The following KIAA1217 variants were observed in gnomAD, a reference collection of about 807,000 sequenced individuals.
The protein encoded by KIAA1217 is KIAA1217.
KIAA1217 carries 88 observed loss-of-function variants against 163.9 expected under a neutral mutation model. The observed-to-expected ratio is 0.54, with a 90% CI of 0.45 to 0.64. The LOEUF is 0.64. KIAA1217 is among the 30% of genes least tolerant of loss of function. KIAA1217 has a pLI of 0.00. For synonymous variants in KIAA1217, 903 were observed against 923.1 expected, an observed-to-expected ratio of 0.98 and a Z score of 0.39; for missense variants, 2,372 against 2,475.0, an observed-to-expected ratio of 0.96 and a Z score of 0.88.
At chr10:24,310,307 G>C (rs2042539837) in intron 2 of KIAA1217, among the ~76,000 whole-genome samples, 1 of 152,170 alleles carries the variant, frequency 6.6e-6, no homozygotes, top group Admixed American at 6.5e-5. Flanking sequence ...ACAACTCGAT[G>C]AGGTAAGTGC....
At chr10:23,707,348 G>A (rs1836957183) in intron 1 of KIAA1217, among the ~76,000 whole-genome samples, 1 of 152,218 alleles carries the variant, frequency 6.6e-6, no homozygotes, top group East Asian at 1.9e-4. Context: ...ATAATGGGAA[G>A]GAGAAAGTAA....
chr10:23,883,121 GGTCATTTCAAGA>G (rs1841022814), intron 1 of KIAA1217, among the ~76,000 whole-genome samples: 1 of 151,840 alleles, frequency 6.6e-6, no homozygotes, highest in South Asian at 2.1e-4. Context: ...AAGTTGTTAT[GGTCATTTCAAGA>G]GTCAGCCAAA....
At chr10:23,948,112 A>C (rs1470952249) in intron 1 of KIAA1217, among the ~76,000 whole-genome samples, 1 of 152,098 alleles carries the variant, frequency 6.6e-6, no homozygotes, top group Non-Finnish European at 1.5e-5. Flanking sequence ...TGTTTATTGC[A>C]CCAGTGGGAA....
At chr10:24,264,566 G>A in intron 2 of KIAA1217, among the ~76,000 whole-genome samples, 1 of 152,192 alleles carries the variant, frequency 6.6e-6, no homozygotes, top group East Asian at 1.9e-4. Context: ...CCATTGAACT[G>A]TGAGTGATAA....
At chr10:23,875,984 G>A (rs941076383) in intron 1 of KIAA1217, among the ~76,000 whole-genome samples, 1 of 151,622 alleles carries the variant, frequency 6.6e-6, no homozygotes, top group African/African-American at 2.4e-5. Context: ...AGCACTGGGA[G>A]AAATACCTAA....
At chr10:24,153,782 G>C (rs1472566924) in intron 2 of KIAA1217, among the ~76,000 whole-genome samples, 1 of 152,094 alleles carries the variant, frequency 6.6e-6, no homozygotes, top group Non-Finnish European at 1.5e-5. Flanking sequence ...ATGATATACA[G>C]CTTCCCATCA....
At chr10:23,789,572 A>C (rs1353782070) in intron 1 of KIAA1217, among the ~76,000 whole-genome samples, 1 of 152,160 alleles carries the variant, frequency 6.6e-6, no homozygotes, top group Non-Finnish European at 1.5e-5. Context: ...AGTGAGGTGA[A>C]GTGAGTGAAG....
chr10:24,070,838 T>C (rs1182444139), intron 2 of KIAA1217, among the ~76,000 whole-genome samples: 1 of 151,998 alleles, frequency 6.6e-6, no homozygotes, highest in African/African-American at 2.4e-5. Flanking sequence ...CAGTAGAAAA[T>C]AGAATTCTAG....
chr10:24,048,284 A>C (rs1349208364), intron 2 of KIAA1217, among the ~76,000 whole-genome samples: 1 of 152,258 alleles, frequency 6.6e-6, no homozygotes. Flanking sequence ...CTGAGTAGCC[A>C]CTGTACAAAT....
At chr10:24,149,350 T>A (rs952056497) in intron 2 of KIAA1217, among the ~76,000 whole-genome samples, 1 of 152,002 alleles carries the variant, frequency 6.6e-6, no homozygotes, top group African/African-American at 2.4e-5. Flanking sequence ...CGACTAATTT[T>A]TTTTTGTACT....
intron 6 of KIAA1217, among the ~76,000 whole-genome samples, chr10:24,486,834 T>C (rs1034055457): frequency 6.6e-6 from 1 of 152,228 alleles, no homozygotes. Flanking sequence ...AGGTTTATCA[T>C]CTATTTCGCT....
chr10:24,444,104 G>T (rs759723046), intron 5 of KIAA1217, among the ~76,000 whole-genome samples: 5 of 152,020 alleles, frequency 3.3e-5, no homozygotes, highest in Non-Finnish European at 4.4e-5. Flanking sequence ...TCTGCCTCCC[G>T]TGTTCAAGCA....
intron 2 of KIAA1217, among the ~76,000 whole-genome samples, chr10:24,252,358 GT>G (rs538497500): frequency 1.1e-3 from 160 of 152,256 alleles, no homozygotes; most frequent in African/African-American, 3.8e-3. Context: ...AGGGAGGATT[GT>G]TTGAGCCCAG....
intron 1 of KIAA1217, among the ~76,000 whole-genome samples, chr10:23,883,321 A>C (rs1250149358): frequency 6.6e-6 from 1 of 151,978 alleles, no homozygotes; most frequent in Non-Finnish European, 1.5e-5. Context: ...AGCTTTCAAC[A>C]TTTAAATGTG....
At chr10:24,282,499 T>C (rs369450466) in intron 2 of KIAA1217, among the ~76,000 whole-genome samples, 77 of 152,316 alleles carry the variant, frequency 5.1e-4, no homozygotes, top group African/African-American at 1.8e-3. Flanking sequence ...ATTCAATCAT[T>C]CGTTTATAAC....
chr10:24,170,472 T>C (rs1589758358), intron 2 of KIAA1217, among the ~76,000 whole-genome samples: 1 of 152,172 alleles, frequency 6.6e-6, no homozygotes, highest in Non-Finnish European at 1.5e-5. Context: ...CTGTGAAATA[T>C]TGAGTCAGTG....
intron 2 of KIAA1217, among the ~76,000 whole-genome samples, chr10:24,034,917 G>T (rs1848331133): frequency 6.6e-6 from 1 of 152,198 alleles, no homozygotes; most frequent in Non-Finnish European, 1.5e-5. Context: ...CCTATCTGGG[G>T]ATGCTTTGCA....
intron 5 of KIAA1217, among the ~76,000 whole-genome samples, chr10:24,454,553 G>A (rs949053053): frequency 4.6e-5 from 7 of 152,136 alleles, no homozygotes; most frequent in African/African-American, 1.7e-4. Flanking sequence ...AATAGCAGGG[G>A]CCTGATCTGT....
At chr10:24,169,992 A>T (rs556387442) in intron 2 of KIAA1217, among the ~76,000 whole-genome samples, 1 of 152,202 alleles carries the variant, frequency 6.6e-6, no homozygotes, top group African/African-American at 2.4e-5. Flanking sequence ...AACAGGCTAT[A>T]TCTGATAGCA....
Sources: gnomAD v4.1 joint callset for allele counts (sites outside exome capture counted in the v4.1 genomes callset) on GRCh38, gnomAD v4.1.1 for gene constraint, MANE v1.5 for transcripts, NCBI Gene and HGNC (gene_info 2026-07-23, HGNC 2026-07-21) for gene names.